The following GRID2 variants were observed in gnomAD, a reference collection of about 807,000 sequenced individuals.
GRID2 encodes the protein glutamate ionotropic receptor delta type subunit 2, also known as glutamate receptor ionotropic, delta-2.
In GRID2, 33 loss-of-function variants were observed where a neutral mutation model predicts 114.8. The ratio of observed to expected loss-of-function variants is 0.29; its 90% CI spans 0.22 to 0.38. The LOEUF (loss-of-function observed/expected upper bound fraction) is 0.38, where lower values mean the gene tolerates loss of function less well. GRID2 is among the 10% of genes least tolerant of loss of function. GRID2 has a pLI of 1.00. For missense variants in GRID2, 1,184 were observed against 1,257.7 expected (o/e 0.94, Z 0.89); for synonymous variants, 505 against 449.9 (o/e 1.12, Z -1.55).
At chr4:92,957,161 T>C (rs907167733) in intron 2 of GRID2, among the ~76,000 whole-genome samples, 2 of 152,106 alleles carry the variant, frequency 1.3e-5, no homozygotes, top group African/African-American at 4.8e-5. Flanking sequence ...TTTAATTAAG[T>C]CCAAGTTATC....
intron 8 of GRID2, among the ~76,000 whole-genome samples, chr4:93,260,171 T>TA (rs1244071940): frequency 2.0e-5 from 3 of 151,750 alleles, no homozygotes; most frequent in African/African-American, 7.2e-5. Context: ...GGATGATTCT[T>TA]ACTAGCATTC....
intron 8 of GRID2, among the ~76,000 whole-genome samples, chr4:93,326,825 A>G (rs941194936): frequency 5.9e-5 from 9 of 152,048 alleles, no homozygotes; most frequent in African/African-American, 2.2e-4. Context: ...TCCAATACAG[A>G]TTTTCTGAAA....
intron 13 of GRID2, among the ~76,000 whole-genome samples, chr4:93,611,603 G>A (rs1369056553): frequency 2.2e-5 from 3 of 138,412 alleles, no homozygotes; most frequent in Non-Finnish European, 4.5e-5. Context: ...AGGTTGTTCA[G>A]TTTCCATGTA....
intron 1 of GRID2, among the ~76,000 whole-genome samples, chr4:92,434,196 T>C: frequency 6.6e-6 from 1 of 152,186 alleles, no homozygotes; most frequent in East Asian, 1.9e-4. Context: ...AGCAACATCC[T>C]TTCAGGCGAT....
chr4:92,335,755 C>T (rs2110152110), intron 1 of GRID2, among the ~76,000 whole-genome samples: 1 of 152,184 alleles, frequency 6.6e-6, no homozygotes, highest in East Asian at 1.9e-4. Flanking sequence ...AATGACTAGA[C>T]TTGAATGGTA....
chr4:93,185,895 CTG>C (rs1740362105), intron 4 of GRID2, among the ~76,000 whole-genome samples: 1 of 152,150 alleles, frequency 6.6e-6, no homozygotes, highest in Non-Finnish European at 1.5e-5. Context: ...ATCCCTCCCC[CTG>C]ACCCCCACCC....
At chr4:93,682,547 A>G (rs1448623848) in intron 14 of GRID2, among the ~76,000 whole-genome samples, 1 of 152,142 alleles carries the variant, frequency 6.6e-6, no homozygotes, top group Non-Finnish European at 1.5e-5. Flanking sequence ...TCCAACAATG[A>G]TAGACTGGAT....
At chr4:93,528,177 C>T (rs12651607) in intron 13 of GRID2, among the ~76,000 whole-genome samples, 81,235 of 151,084 alleles carry the variant, frequency 0.54, 23,266 homozygotes, top group African/African-American at 0.74. Flanking sequence ...TATACATATA[C>T]ACACACACAC....
rs558789474 is a variant in GRID2 at position 93,674,422 on chromosome 4, AAAAT to A, written c.2360+47995_2360+47998del. ...CTGGAATTAATCTATTATTTTCTTT[AAAAT>A]AAATAAAAATAATGGGCACTAAATT... On this transcript the variant is annotated intron_variant, in intron 14 of 15. Transcript: ENST00000282020. 7.2e-5 allele frequency among the ~76,000 whole-genome samples: 11 copies of A among 152,302 alleles called. No individual in the cohort carries two copies. The South Asian group carries it at 1.5e-3, about 20-fold the overall frequency.
intron 3 of GRID2, among the ~76,000 whole-genome samples, chr4:93,098,441 C>A (rs75569040): frequency 0.018 from 2,748 of 151,936 alleles, 32 homozygotes; most frequent in Middle Eastern, 0.054. Context: ...ATATATCTGA[C>A]AATGGCTAGA....
At chr4:93,449,997 T>G (rs999792643) in intron 10 of GRID2, among the ~76,000 whole-genome samples, 1 of 152,016 alleles carries the variant, frequency 6.6e-6, no homozygotes, top group Non-Finnish European at 1.5e-5. Flanking sequence ...TTGATAGTGT[T>G]TATTTTAAAA....
At chr4:92,339,524 T>A (rs1208270050) in intron 1 of GRID2, among the ~76,000 whole-genome samples, 1 of 150,764 alleles carries the variant, frequency 6.6e-6, no homozygotes, top group Non-Finnish European at 1.5e-5. Context: ...TTTCATACAT[T>A]ATTATGATCC....
rs1728580831 is a variant in GRID2 at position 92,360,816 on chromosome 4, G to A, written c.88+56072G>A. 2.0e-5 allele frequency among the ~76,000 whole-genome samples: 3 copies of A among 151,924 alleles called. No homozygotes were observed. In the South Asian group the frequency reaches 6.2e-4, roughly 31 times the overall value. ...CTTAAAAAATCACATTGGCAATCCT[G>A]ATTCAAAGTGATCTCCACAGGAAAC... On this transcript the variant is annotated intron_variant, in intron 1 of 15. Coordinates refer to ENST00000282020, the MANE Select transcript of GRID2 (RefSeq NM_001510.4).
At chr4:92,999,588 A>G (rs1024499838) in intron 2 of GRID2, among the ~76,000 whole-genome samples, 4 of 151,758 alleles carry the variant, frequency 2.6e-5, no homozygotes, top group Non-Finnish European at 4.4e-5. Context: ...TAGTCCTTTT[A>G]TAAAAGTAAA....
In GRID2 at chr4:93,548,383, T is replaced by C. The variant is rs551884264; in HGVS notation, c.2193+32972T>C. On this transcript the variant is annotated intron_variant, in intron 13 of 15. Transcript: ENST00000282020. ...GGAAATAGCACCGGACAGGGAACCA[T>C]CTCATGGGAAGTTGAGTCCCAATTC... is the stretch of plus-strand genomic sequence containing the variant. Among the ~76,000 whole-genome samples, 5 of 152,292 alleles carry C rather than the reference T, an allele frequency of 3.3e-5. No individual in the cohort carries two copies. In the South Asian group the frequency reaches 1.0e-3, roughly 32 times the overall value.
chr4:92,707,719 A>G (rs1735020798), intron 2 of GRID2, among the ~76,000 whole-genome samples: 2 of 152,218 alleles, frequency 1.3e-5, no homozygotes, highest in South Asian at 4.1e-4. Context: ...ATAACATTGC[A>G]AGGAAAGAGA....
intron 1 of GRID2, among the ~76,000 whole-genome samples, chr4:92,457,683 A>G (rs1721284600): frequency 6.6e-6 from 1 of 152,006 alleles, no homozygotes; most frequent in African/African-American, 2.4e-5. Flanking sequence ...TAGCTTGTGA[A>G]TTCAAGATTG....
At chr4:92,740,498 A>G in intron 2 of GRID2, among the ~76,000 whole-genome samples, 1 of 152,178 alleles carries the variant, frequency 6.6e-6, no homozygotes, top group East Asian at 1.9e-4. Flanking sequence ...TGAGTAACTG[A>G]GTACAACTCA....
chr4:92,929,446 T>C (rs1750064460), intron 2 of GRID2, among the ~76,000 whole-genome samples: 1 of 151,322 alleles, frequency 6.6e-6, no homozygotes, highest in Admixed American at 6.6e-5. Context: ...GTGTAAGTAA[T>C]TTTTCTAGTT....
Sources: allele counts gnomAD v4.1 joint callset (sites outside exome capture counted in the v4.1 genomes callset), GRCh38; gene constraint gnomAD v4.1.1; transcripts MANE v1.5; gene names NCBI Gene and HGNC (gene_info 2026-07-23, HGNC 2026-07-21).